Variants in SLC35F4 observed in about 807,000 individuals in gnomAD.
The protein encoded by SLC35F4 is chromosome 14 open reading frame 36.
Under a neutral mutation model 44.2 loss-of-function variants are expected in SLC35F4, and 24 were observed. The observed-to-expected ratio is 0.54, with a 90% CI of 0.39 to 0.76. The LOEUF is 0.76. Among genes scored for constraint, SLC35F4 ranks in the 30% least tolerant of loss-of-function variants. SLC35F4 has a pLI of 0.00. For missense variants in SLC35F4, 562 were observed against 586.1 expected (o/e 0.96, Z 0.42); for synonymous variants, 238 against 223.6 (o/e 1.06, Z -0.57).
intron 1 of SLC35F4, among the ~76,000 whole-genome samples, chr14:57,848,093 A>T (rs188159770): frequency 6.6e-6 from 1 of 152,336 alleles, no homozygotes; most frequent in East Asian, 1.9e-4. Flanking sequence ...ACCTAAATTG[A>T]GGGTAGAGAA....
Position 57,589,450 on chromosome 14 carries a change from C to T in SLC35F4, c.353G>A (p.Cys118Tyr), listed in dbSNP as rs773402335. 1 of 1,613,862 alleles carries T rather than the reference C, an allele frequency of 6.2e-7. No individual in the cohort carries two copies. The highest frequency in any genetic ancestry group is 1.3e-5 in the African/African-American group (1 of 75,050). Reference sequence around the variant, plus strand: ...CAGAACCATGGACGTGCAGGACAGGCAGCGAGCCTTGATTCTGTTTTCTTG... The same window carrying T: ...CAGAACCATGGACGTGCAGGACAGGTAGCGAGCCTTGATTCTGTTTTCTTG... ...SSQENRIKAR[C>Y]LSCTSMVLKG... The change falls in exon 3 of 8, where the codon TGC (cysteine) becomes TAC (tyrosine). Residue 118 changes from cysteine (C) to tyrosine (Y), a missense_variant. Transcript: ENST00000556826.
At chr14:57,957,690 C>G (rs1890264195) in intron 1 of SLC35F4, among the ~76,000 whole-genome samples, 1 of 152,096 alleles carries the variant, frequency 6.6e-6, no homozygotes, top group African/African-American at 2.4e-5. Flanking sequence ...GAGAAGGAGG[C>G]AGCAAAGGGT....
chr14:57,973,947 C>G (rs1363393940), downstream of SLC35F4, among the ~76,000 whole-genome samples: 2 of 152,160 alleles, frequency 1.3e-5, no homozygotes, highest in Non-Finnish European at 2.9e-5. Flanking sequence ...CACCATCACT[C>G]TCCAAAACGG....
chr14:57,642,820 A>C (rs2073311784), intron 1 of SLC35F4, among the ~76,000 whole-genome samples: 1 of 152,014 alleles, frequency 6.6e-6, no homozygotes, highest in Non-Finnish European at 1.5e-5. Flanking sequence ...ACCAACTAAA[A>C]TAAGAAAAAA....
At chr14:57,583,481 G>C (rs2139833529) in intron 3 of SLC35F4, among the ~76,000 whole-genome samples, 1 of 152,262 alleles carries the variant, frequency 6.6e-6, no homozygotes, top group Admixed American at 6.5e-5. Context: ...TCAACCAAGA[G>C]CTGGGAGGAG....
chr14:57,619,898 A>G (rs538954742), intron 1 of SLC35F4, among the ~76,000 whole-genome samples: 1 of 152,170 alleles, frequency 6.6e-6, no homozygotes, highest in Admixed American at 6.5e-5. Context: ...TGAAGCATAT[A>G]AAGTATCAAC....
chr14:57,737,098 T>G (rs1167016054), intron 1 of SLC35F4, among the ~76,000 whole-genome samples: 1 of 148,766 alleles, frequency 6.7e-6, no homozygotes. Flanking sequence ...CTTTCTATCT[T>G]TGTGTGTGTG....
At chr14:57,864,277 T>TA (rs1249990069) in intron 1 of SLC35F4, among the ~76,000 whole-genome samples, 2 of 152,308 alleles carry the variant, frequency 1.3e-5, no homozygotes, top group South Asian at 2.1e-4. Flanking sequence ...CCTTTGCCAA[T>TA]AAAAAAGGAG....
At chr14:57,876,764 C>A (rs1169016411) in intron 1 of SLC35F4, among the ~76,000 whole-genome samples, 1 of 152,214 alleles carries the variant, frequency 6.6e-6, no homozygotes, top group South Asian at 2.1e-4. Flanking sequence ...ACAGCAGCAA[C>A]ATTGGATATA....
intron 1 of SLC35F4, among the ~76,000 whole-genome samples, chr14:57,882,804 T>A (rs964466819): frequency 2.6e-5 from 4 of 152,108 alleles, no homozygotes; most frequent in Non-Finnish European, 5.9e-5. Context: ...TTTGCCCAAA[T>A]TCTTCACCTC....
At chr14:57,831,065 C>G (rs1353590205) in intron 1 of SLC35F4, among the ~76,000 whole-genome samples, 1 of 152,194 alleles carries the variant, frequency 6.6e-6, no homozygotes, top group Non-Finnish European at 1.5e-5. Flanking sequence ...TCTCTCAACT[C>G]TGATTTCTTC....
At chr14:57,691,383 G>C (rs1056391471) in intron 1 of SLC35F4, among the ~76,000 whole-genome samples, 3 of 152,164 alleles carry the variant, frequency 2.0e-5, no homozygotes. Flanking sequence ...TTCAAGGGTA[G>C]TAAAGGATTT....
At chr14:57,633,295 T>G (rs1219089480) in intron 1 of SLC35F4, among the ~76,000 whole-genome samples, 6 of 152,166 alleles carry the variant, frequency 3.9e-5, no homozygotes, top group African/African-American at 1.4e-4. Flanking sequence ...TTTAGCTTTG[T>G]AGGAAACTGT....
chr14:57,834,156 C>CATGACATCT (rs1360263889), intron 1 of SLC35F4, among the ~76,000 whole-genome samples: 12 of 152,196 alleles, frequency 7.9e-5, no homozygotes, highest in Non-Finnish European at 1.6e-4. Context: ...AGTCATGAAG[C>CATGACATCT]ATGACATCTT....
rs923429857 is a variant in SLC35F4, at chr14:57,737,669, G to A, written c.103+128054C>T. Among the ~76,000 whole-genome samples, 13 of 152,222 alleles carry A rather than the reference G, an allele frequency of 8.5e-5. No homozygotes were observed. In the South Asian group the frequency reaches 1.2e-3, roughly 15 times the overall value. On this transcript the variant is annotated intron_variant, in intron 1 of 7. Coordinates refer to ENST00000556826, the MANE Select transcript of SLC35F4 (RefSeq NM_001306087.2). ...TCTGACATATCCTCTCTCTAAATTC[G>A]CCTGTAGTATCATAGTCCACATTTT...
At chr14:57,718,706 T>C (rs1176400602) in intron 1 of SLC35F4, among the ~76,000 whole-genome samples, 1 of 152,204 alleles carries the variant, frequency 6.6e-6, no homozygotes, top group African/African-American at 2.4e-5. Context: ...TTTTTTCCTA[T>C]AGAGTTGTTT....
chr14:57,956,832 CAT>C (rs1182987316), intron 1 of SLC35F4, among the ~76,000 whole-genome samples: 3 of 152,202 alleles, frequency 2.0e-5, no homozygotes, highest in Admixed American at 6.5e-5. Flanking sequence ...AGCACTTTTA[CAT>C]GTTTGGTGGG....
intron 1 of SLC35F4, among the ~76,000 whole-genome samples, chr14:57,662,039 C>A (rs949350907): frequency 3.9e-5 from 6 of 152,144 alleles, no homozygotes; most frequent in Admixed American, 6.6e-5. Context: ...AACAAAAACA[C>A]TATTTTAAAC....
chr14:57,908,535 C>G (rs1889153524), intron 1 of SLC35F4, among the ~76,000 whole-genome samples: 1 of 152,044 alleles, frequency 6.6e-6, no homozygotes, highest in Admixed American at 6.6e-5. Context: ...CTCTAATGAT[C>G]AATAATGTTG....
Sources: allele counts gnomAD v4.1 joint callset (sites outside exome capture counted in the v4.1 genomes callset), GRCh38; gene constraint gnomAD v4.1.1; transcripts MANE v1.5; gene names NCBI Gene and HGNC (gene_info 2026-07-23, HGNC 2026-07-21).